SEZ6L2: variants seen among roughly 807,000 people sequenced by gnomAD.
SEZ6L2 encodes seizure 6-like protein 2.
SEZ6L2 carries 44 observed loss-of-function variants against 97.0 expected under a neutral mutation model. That is an observed-to-expected ratio of 0.45 (90% CI 0.36 to 0.58). SEZ6L2 has a LOEUF of 0.58. Among genes scored for constraint, SEZ6L2 ranks in the 20% least tolerant of loss-of-function variants. The probability of loss-of-function intolerance (pLI) is 0.00; values close to 1 mark genes in which losing one functional copy is unlikely to be tolerated. For missense variants in SEZ6L2, 1,086 were observed against 1,233.3 expected, an observed-to-expected ratio of 0.88 and a Z score of 1.79; for synonymous variants, 543 against 546.1, an observed-to-expected ratio of 0.99 and a Z score of 0.08.
chr16:29,883,353 C>A (rs149466752), intron 8 of SEZ6L2, among the ~76,000 whole-genome samples: 34 of 152,144 alleles, frequency 2.2e-4, no homozygotes, highest in African/African-American at 8.2e-4. Context: ...GTTGCCCAGG[C>A]TGGAGCACAG....
Position 29,897,934 on chromosome 16 carries a change from G to T in SEZ6L2, c.130C>A (p.Pro44Thr). The change falls in exon 2 of 18, where the codon CCC becomes ACC. Residue 44 changes from proline to threonine, a missense_variant. This residue lies in a region of SEZ6L2 where 776 missense variants were observed against 794.7 expected (regional missense o/e 0.98). Transcript: ENST00000617533. ...GCCAGGGCCTCAGAGGCCACCGTGG[G>T]GGTCTCACTTCCAGGCTCTGGCAAT... ...EILPEPGSET[P>T]TVASEALAEL... The T allele has an allele frequency of 6.2e-7, 1 of 1,613,792 alleles. No homozygotes were observed. The highest frequency in any genetic ancestry group is 8.5e-7 in the Non-Finnish European group (1 of 1,179,866).
intron 1 of SEZ6L2, 101 bp from the exon 2 acceptor site, chr16:29,898,085 C>G: frequency 6.5e-7 from 1 of 1,530,944 alleles, no homozygotes; most frequent in African/African-American, 1.4e-5. Context: ...ATCAGCTGGG[C>G]CTGCAGGGGC....
At chr16:29,872,776 T>C (rs1419709750) in intron 14 of SEZ6L2, 33 bp from the exon 15 acceptor site, 1 of 1,537,006 alleles carries the variant, frequency 6.5e-7, no homozygotes. Context: ...GGATGGGGTC[T>C]GAGCCAGGGA....
intron 7 of SEZ6L2, among the ~76,000 whole-genome samples, chr16:29,887,080 C>T (rs1411736932): frequency 2.7e-5 from 4 of 150,846 alleles, no homozygotes; most frequent in Non-Finnish European, 5.9e-5. Flanking sequence ...AATCAGGAGG[C>T]TGAGGCAGGA....
chr16:29,875,177 A>G (rs2067876871), intron 12 of SEZ6L2, among the ~76,000 whole-genome samples: 1 of 152,138 alleles, frequency 6.6e-6, no homozygotes, highest in East Asian at 1.9e-4. Flanking sequence ...ACCTGGCACA[A>G]ACATAATATT....
In SEZ6L2 at chr16:29,887,692, G is replaced by A. The variant is rs1286700665; in HGVS notation, c.1165C>T (p.His389Tyr). Residue 389 changes from histidine to tyrosine, a missense_variant, in exon 7 of 18, where the codon CAC becomes TAC. By Grantham distance (83) the His-to-Tyr change is moderately conservative. This residue lies in a region of SEZ6L2 where 776 missense variants were observed against 794.7 expected (regional missense o/e 0.98). Coordinates refer to ENST00000617533, the MANE Select transcript of SEZ6L2 (RefSeq NM_001243332.2). ...AGCGAGACCCTTTCAAAGTGCAGGT[G>A]CAGCCGGCGCCCCTCAGCTGCTTCA... The part of the protein sequence containing the change: ...VIEAAEGRRL[H>Y]LHFERVSLDE... The A allele has an allele frequency of 3.1e-6, 5 of 1,607,156 alleles. No homozygotes were observed. The highest frequency in any genetic ancestry group is 8.5e-7 in the Non-Finnish European group (1 of 1,175,842).
At position 29,876,791 on chromosome 16, in the gene SEZ6L2, A is replaced by T; in HGVS notation, c.2069T>A (p.Leu690Gln). ...GGCGGGCGGCGCGGCGCTCCAAGAC[A>T]GGTCCCACTGGCAAGTGAGAATGTC... ...GSDILTCQWDLSWSAAPPACQ... is the reference protein window; with the variant it reads ...GSDILTCQWDQSWSAAPPACQ... Residue 690 changes from leucine (L) to glutamine (Q), a missense_variant, in exon 12 of 18, where the codon CTG (leucine) becomes CAG (glutamine). Around this residue, in one of 2 missense-constraint regions of SEZ6L2, gnomAD observed 310 missense variants for 438.6 expected, o/e 0.71. Transcript: ENST00000617533. This position sits in a 1 kb window ranked among gnomAD's most constrained non-coding sequence, Gnocchi z 6.5. 6.3e-7 allele frequency: 1 copy of T among 1,581,852 alleles called. No individual in the cohort carries two copies. The highest frequency in any genetic ancestry group is 8.6e-7 in the Non-Finnish European group (1 of 1,164,924).
In SEZ6L2 at chr16:29,897,075, A is replaced by G; in HGVS notation, c.258T>C (p.Thr86=). ...CCCGTGGCAGGGAGGGCACTGCGAG[A>G]GTCTGGCCGGCCGGAGGGGTGGCTA... The part of the protein sequence containing the change: ...PTLATPPAGQ[T]LAVPSLPRAT... The change falls in exon 3 of 18, where the codon ACT becomes ACC. Residue 86 remains threonine (T), a synonymous_variant. Transcript: ENST00000617533. 1.9e-6 allele frequency: 3 copies of G among 1,581,482 alleles called. No individual in the cohort carries two copies. The South Asian group carries it at 3.4e-5, about 18-fold the overall frequency.
chr16:29,881,269 T>TCA (rs2068024462), intron 8 of SEZ6L2, among the ~76,000 whole-genome samples: 1 of 152,062 alleles, frequency 6.6e-6, no homozygotes, highest in Non-Finnish European at 1.5e-5. Flanking sequence ...TTGCTCAAGG[T>TCA]CACACAAAAG....
chr16:29,877,847 T>G (rs1163736382), intron 10 of SEZ6L2, among the ~76,000 whole-genome samples: 1 of 152,214 alleles, frequency 6.6e-6, no homozygotes, highest in East Asian at 1.9e-4. Context: ...CCTGAGTACC[T>G]GCTTTGAAGC....
Position 29,896,971 on chromosome 16 carries a change from T to C in SEZ6L2, c.362A>G (p.Glu121Gly). The change falls in exon 3 of 18, where the codon GAA (glutamate) becomes GGA (glycine). Residue 121 changes from glutamate (E) to glycine (G), a missense_variant. Coordinates refer to ENST00000617533, the MANE Select transcript of SEZ6L2 (RefSeq NM_001243332.2). ...GGTTCCTGGGGGCGGGGTCAGCAGTTCTGGCGCAGTGGGGCCTGCCCCCCT... is the reference window on the plus strand; with the variant it reads ...GGTTCCTGGGGGCGGGGTCAGCAGTCCTGGCGCAGTGGGGCCTGCCCCCCT... ...GVRGAGPTAP[E>G]LLTPPPGTTA... is the part of the protein sequence containing the mutation. 1 of 1,593,398 alleles carries C rather than the reference T, an allele frequency of 6.3e-7. No homozygotes were observed. Among genetic ancestry groups the C allele is most frequent in the Non-Finnish European group, 8.5e-7 (1 of 1,171,832 alleles).
At position 29,895,329 on chromosome 16, in the gene SEZ6L2, G is replaced by A. The variant is rs1268566594; in HGVS notation, c.783C>T (p.Thr261=). Residue 261 remains threonine, a synonymous_variant, in exon 5 of 18, where the codon ACC becomes ACT. Coordinates refer to ENST00000617533, the MANE Select transcript of SEZ6L2 (RefSeq NM_001243332.2). Reference sequence around the variant, plus strand: ...TCTGGAAGTGCAGAAGCAGCCGGTTGGTTGGGCTCCGAAGGACTTGTCCTT... The same window carrying A: ...TCTGGAAGTGCAGAAGCAGCCGGTTAGTTGGGCTCCGAAGGACTTGTCCTT... ...LGEGQVLRSP[T]NRLLLHFQSP... 3.1e-6 allele frequency: 5 copies of A among 1,614,156 alleles called. No individual in the cohort carries two copies. Among genetic ancestry groups the A allele is most frequent in the Non-Finnish European group, 4.2e-6 (5 of 1,180,038 alleles).
intron 16 of SEZ6L2, 35 bp downstream of exon 16, chr16:29,872,374 T>C: frequency 6.2e-7 from 1 of 1,609,062 alleles, no homozygotes; most frequent in East Asian, 2.2e-5. Flanking sequence ...GCAAGACGTC[T>C]GCCCTGGCCG....
In SEZ6L2 at chr16:29,878,361, G is replaced by A; in HGVS notation, c.1638C>T (p.Ser546=). The part of the protein sequence containing the change: ...GVVLSPDWPQ[S]YSPGQDCVWG... ...ACACGCAGTCTTGGCCCGGGCTATAGCTCTGGGGCCAGTCGGGAGAGAGGA... is the reference window on the plus strand; with the variant it reads ...ACACGCAGTCTTGGCCCGGGCTATAACTCTGGGGCCAGTCGGGAGAGAGGA... The change falls in exon 10 of 18, where the codon AGC becomes AGT. Residue 546 remains serine (S), a synonymous_variant. Coordinates refer to ENST00000617533, the MANE Select transcript of SEZ6L2 (RefSeq NM_001243332.2). The A allele has an allele frequency of 6.2e-7, 1 of 1,608,180 alleles. No individual in the cohort carries two copies. The highest frequency in any genetic ancestry group is 1.1e-5 in the South Asian group (1 of 89,508).
chr16:29,884,226 T>G (rs1284322652), intron 8 of SEZ6L2, among the ~76,000 whole-genome samples: 1 of 152,184 alleles, frequency 6.6e-6, no homozygotes, highest in Non-Finnish European at 1.5e-5. Flanking sequence ...GTCAGGTCAA[T>G]GAACGCCTCT....
Position 29,895,109 on chromosome 16 carries a change from G to A in SEZ6L2, c.853+150C>T, listed in dbSNP as rs1048028622. The A allele has an allele frequency of 3.8e-5, 25 of 666,138 alleles. 1 individual carries two copies. Among genetic ancestry groups the A allele is most frequent in the Middle Eastern group, 4.3e-4 (1 of 2,328 alleles). The allele number at this position is 666,138 out of a possible 1,614,324, so 41.3% of individuals were successfully genotyped here. A position where few individuals can be genotyped will look rare whatever the true frequency, so the allele number is the denominator to read the frequency against. ...CAGGAGAATGGCGTGAACCTGGGAG[G>A]CAGAGCTTGCAGTGAGCTGAGATCA... On this transcript the variant is annotated intron_variant, in intron 5 of 17. Transcript: ENST00000617533.
intron 11 of SEZ6L2, 95 bp from the exon 12 acceptor site, chr16:29,877,045 T>C: frequency 7.6e-7 from 1 of 1,310,254 alleles, no homozygotes. Flanking sequence ...TCCCGGGATC[T>C]GTCTCTCTCT....
At chr16:29,880,146 G>A (rs1458060425) in intron 8 of SEZ6L2, 82 bp from the exon 9 acceptor site, 3 of 1,359,334 alleles carry the variant, frequency 2.2e-6, no homozygotes, top group East Asian at 2.5e-5. Flanking sequence ...CTGAATTGGG[G>A]TGTTCTTTGG....
chr16:29,896,938 G>C lies in SEZ6L2; in HGVS notation c.395C>G (p.Pro132Arg), dbSNP rs977505225. The change falls in exon 3 of 18, where the codon CCA (proline) becomes CGA (arginine). Residue 132 changes from proline (P) to arginine (R), a missense_variant. Pro to Arg is a moderately radical substitution (Grantham distance 103). Around this residue, in one of 2 missense-constraint regions of SEZ6L2, gnomAD observed 776 missense variants for 794.7 expected, o/e 0.98. Coordinates refer to ENST00000617533, the MANE Select transcript of SEZ6L2 (RefSeq NM_001243332.2). ...LLTPPPGTTAPPPPSPASPGP... is the reference protein window; with the variant it reads ...LLTPPPGTTARPPPSPASPGP... ...TGGGGAGGCAGGGCTGGGTGGGGGT[G>C]GGGCTGTGGTTCCTGGGGGCGGGGT... 2.9e-5 allele frequency: 46 copies of C among 1,610,040 alleles called. No homozygotes were observed. The highest frequency in any genetic ancestry group is 3.7e-5 in the Non-Finnish European group (44 of 1,178,740).
Sources: gnomAD v4.1 joint callset for allele counts (sites outside exome capture counted in the v4.1 genomes callset) on GRCh38, gnomAD v4.1.1 for gene constraint, gnomAD v4.1.1 regional missense constraint, Gnocchi (gnomAD v3.1) non-coding constraint, MANE v1.5 for transcripts, NCBI Gene and HGNC (gene_info 2026-07-23, HGNC 2026-07-21) for gene names.